Variants in GREM1 observed in about 807,000 individuals in gnomAD.
The protein encoded by GREM1 is gremlin 1, DAN family BMP antagonist.
In GREM1, 6 loss-of-function variants were observed where a neutral mutation model predicts 13.1. The ratio of observed to expected loss-of-function variants is 0.46; its 90% confidence interval spans 0.25 to 0.91. The LOEUF is 0.91. GREM1 is among the 40% of genes least tolerant of loss of function. The probability of loss-of-function intolerance (pLI) is 0.18; values close to 1 mark genes in which losing one functional copy is unlikely to be tolerated. For synonymous variants in GREM1, 98 were observed against 93.7 expected (o/e 1.05, Z -0.27); for missense variants, 185 against 233.9 (o/e 0.79, Z 1.36).
rs181661459 is a variant in GREM1 at position 32,736,678 on chromosome 15, C to T, written c.*5433C>T. 6.6e-6 allele frequency: 1 copy of T among 152,222 alleles called. No individual in the cohort carries two copies. The highest frequency in any genetic ancestry group is 1.9e-4 in the East Asian group (1 of 5,180). The allele number at this position is 152,222 out of a possible 1,614,324, so 9.4% of individuals were successfully genotyped here. A position where few individuals can be genotyped will look rare whatever the true frequency, so the allele number is the denominator to read the frequency against. Reference sequence around the variant, plus strand: ...CTAACCAAGCAGAGACTTCAGTGTCCACACACAACAAAAAATACAGACTTT... The same window carrying T: ...CTAACCAAGCAGAGACTTCAGTGTCTACACACAACAAAAAATACAGACTTT... On this transcript the variant is annotated 3_prime_UTR_variant, in exon 2 of 2. Transcript: ENST00000651154.
chr15:32,731,667 A>G lies in GREM1; in HGVS notation c.*422A>G, dbSNP rs2055621842. ...GGCAAGAGACCTGTTTTAGTGCTGCATTCGACATGGAAAAGTCCTTTTAAC... is the reference window on the plus strand; with the variant it reads ...GGCAAGAGACCTGTTTTAGTGCTGCGTTCGACATGGAAAAGTCCTTTTAAC... On this transcript the variant is annotated 3_prime_UTR_variant, in exon 2 of 2. Coordinates refer to ENST00000651154, the MANE Select transcript of GREM1 (RefSeq NM_013372.7). 1 of 272,198 alleles carries G rather than the reference A, an allele frequency of 3.7e-6. No homozygotes were observed. The highest frequency in any genetic ancestry group is 2.2e-5 in the African/African-American group (1 of 45,844). The allele number at this position is 272,198 out of a possible 1,614,324, so 16.9% of individuals were successfully genotyped here. A position where few individuals can be genotyped will look rare whatever the true frequency, so the allele number is the denominator to read the frequency against.
chr15:32,718,901 C>T, intron 1 of GREM1: 1 of 197,388 alleles, frequency 5.1e-6, no homozygotes, highest in South Asian at 8.9e-5. Context: ...CTACTCCAGC[C>T]TCTTCCCCGC....
Position 32,735,196 on chromosome 15 carries a change from T to C in GREM1, c.*3951T>C, listed in dbSNP as rs1322302052. The C allele has an allele frequency of 6.6e-6, 1 of 152,202 alleles. No homozygotes were observed. The highest frequency in any genetic ancestry group is 1.5e-5 in the Non-Finnish European group (1 of 68,036). 9.4% of individuals were successfully genotyped at this position (152,202 alleles called of 1,614,324 possible). On this transcript the variant is annotated 3_prime_UTR_variant, in exon 2 of 2. Transcript: ENST00000651154. The stretch of plus-strand genomic sequence containing the variant: ...TGCCCTTGGTGTGCAATTGTGAACT[T>C]GTCAATTTCTGAGGTCCCTTTCTAC...
chr15:32,743,273 C>T lies in GREM1; in HGVS notation c.*12028C>T, dbSNP rs1043261910. ...AGGATGACAAGTTATATATAATAAGCCTGTAGGCCAATATCTGCTGGCAGC... is the reference window on the plus strand; with the variant it reads ...AGGATGACAAGTTATATATAATAAGTCTGTAGGCCAATATCTGCTGGCAGC... On this transcript the variant is annotated 3_prime_UTR_variant, in exon 2 of 2. Coordinates refer to ENST00000651154, the MANE Select transcript of GREM1 (RefSeq NM_013372.7). The T allele has an allele frequency of 2.6e-5, 4 of 152,018 alleles. No individual in the cohort carries two copies. The highest frequency in any genetic ancestry group is 2.6e-4 in the Admixed American group (4 of 15,252). 9.4% of individuals were successfully genotyped at this position (152,018 alleles called of 1,614,324 possible).
Position 32,744,884 on chromosome 15 carries a change from C to T in GREM1, c.*13639C>T, listed in dbSNP as rs531607166. On this transcript the variant is annotated 3_prime_UTR_variant, in exon 2 of 2. Transcript: ENST00000651154. ...TTGCACTATTCATTCCCGTTTCCTC[C>T]CATTCACTCTCCACATCTCCAATCC... 1 of 152,188 alleles carries T rather than the reference C, an allele frequency of 6.6e-6. No homozygotes were observed. The highest frequency in any genetic ancestry group is 2.1e-4 in the South Asian group (1 of 4,810). 9.4% of individuals were successfully genotyped at this position (152,188 alleles called of 1,614,324 possible). A position where few individuals can be genotyped will look rare whatever the true frequency, so the allele number is the denominator to read the frequency against.
chr15:32,731,365 C>T lies in GREM1; in HGVS notation c.*120C>T. The stretch of plus-strand genomic sequence containing the variant: ...GGCCAGAAGAACCCCCAGCTGCCTC[C>T]TGGCAGGAGCCTGCTTGTGCGTAGT... On this transcript the variant is annotated 3_prime_UTR_variant, in exon 2 of 2. Coordinates refer to ENST00000651154, the MANE Select transcript of GREM1 (RefSeq NM_013372.7). 1 of 739,596 alleles carries T rather than the reference C, an allele frequency of 1.4e-6. No homozygotes were observed. 45.8% of individuals were successfully genotyped at this position (739,596 alleles called of 1,614,324 possible). A position where few individuals can be genotyped will look rare whatever the true frequency, so the allele number is the denominator to read the frequency against.
intron 1 of GREM1, 93 bp downstream of exon 1, chr15:32,718,254 C>G (rs947244714): frequency 9.9e-7 from 1 of 1,008,936 alleles, no homozygotes; most frequent in African/African-American, 1.6e-5. Flanking sequence ...CGCGCGGCAG[C>G]CCTCCGTGCG....
At chr15:32,726,802 A>C (rs1209916391) in intron 1 of GREM1, among the ~76,000 whole-genome samples, 9 of 151,854 alleles carry the variant, frequency 5.9e-5, no homozygotes, top group Non-Finnish European at 1.2e-4. Flanking sequence ...GACAATAGAC[A>C]CAATAAAAAG....
intron 1 of GREM1, among the ~76,000 whole-genome samples, chr15:32,720,769 A>G (rs903153953): frequency 4.6e-5 from 7 of 152,238 alleles, no homozygotes; most frequent in African/African-American, 1.7e-4. Context: ...TGCATTAGAA[A>G]ACATATCCAT....
At chr15:32,720,470 AG>A (rs1302506649) in intron 1 of GREM1, among the ~76,000 whole-genome samples, 1 of 152,180 alleles carries the variant, frequency 6.6e-6, no homozygotes, top group Non-Finnish European at 1.5e-5. Context: ...TCCACAACAG[AG>A]AGTAAAGGAC....
rs897819698 is a variant in GREM1 at position 32,739,859 on chromosome 15, C to G, written c.*8614C>G. On this transcript the variant is annotated 3_prime_UTR_variant, in exon 2 of 2. Transcript: ENST00000651154. ...GGTGAGAGGAGTTGGTTCACATATC[C>G]AAGACCTCCAACTTTTCTGAGGAGA... 3.9e-5 allele frequency: 6 copies of G among 152,262 alleles called. No homozygotes were observed. The highest frequency in any genetic ancestry group is 8.8e-5 in the Non-Finnish European group (6 of 68,100). 9.4% of individuals were successfully genotyped at this position (152,262 alleles called of 1,614,324 possible).
At position 32,742,103 on chromosome 15, in the gene GREM1, T is replaced by C. The variant is rs1248640899; in HGVS notation, c.*10858T>C. Reference sequence around the variant, plus strand: ...ATTTTGTTGAGGATTTTTGCATCTATATATTCATCAAGGATATTGGGCTGT... The same window carrying C: ...ATTTTGTTGAGGATTTTTGCATCTACATATTCATCAAGGATATTGGGCTGT... On this transcript the variant is annotated 3_prime_UTR_variant, in exon 2 of 2. Coordinates refer to ENST00000651154, the MANE Select transcript of GREM1 (RefSeq NM_013372.7). The C allele has an allele frequency of 6.6e-6, 1 of 152,160 alleles. No individual in the cohort carries two copies. Among genetic ancestry groups the C allele is most frequent in the Non-Finnish European group, 1.5e-5 (1 of 68,002 alleles). 9.4% of individuals were successfully genotyped at this position (152,160 alleles called of 1,614,324 possible).
chr15:32,718,381 GAA>G (rs1309218789), intron 1 of GREM1: 1 of 495,878 alleles, frequency 2.0e-6, no homozygotes, highest in Non-Finnish European at 4.0e-6. Flanking sequence ...GGAAACGTAG[GAA>G]AAAAAGTTGT....
intron 1 of GREM1, chr15:32,718,665 C>G: frequency 2.8e-6 from 1 of 360,986 alleles, no homozygotes; most frequent in Admixed American, 3.7e-5. Context: ...TTGGAGCATC[C>G]GGAGAATCCA....
Position 32,734,448 on chromosome 15 carries a change from T to C in GREM1, c.*3203T>C, listed in dbSNP as rs1275056528. 4.1e-6 allele frequency: 1 copy of C among 246,408 alleles called. No individual in the cohort carries two copies. Among genetic ancestry groups the C allele is most frequent in the Non-Finnish European group, 8.5e-6 (1 of 117,166 alleles). The allele number at this position is 246,408 out of a possible 1,614,324, so 15.3% of individuals were successfully genotyped here. A position where few individuals can be genotyped will look rare whatever the true frequency, so the allele number is the denominator to read the frequency against. ...TCAAGATATTTAATATCAACTGCAT[T>C]ATGTATTATGTCTGCTTAAATCATT... On this transcript the variant is annotated 3_prime_UTR_variant, in exon 2 of 2. Coordinates refer to ENST00000651154, the MANE Select transcript of GREM1 (RefSeq NM_013372.7).
chr15:32,744,948 TC>T lies in GREM1; in HGVS notation c.*13704del, dbSNP rs2055793561. Reference sequence around the variant, plus strand: ...TTTGTTACTTGTTAAAAACTTGATTTCGTAGATTGCTTTAAAATAAGAACAA... The same window carrying T: ...TTTGTTACTTGTTAAAAACTTGATTTGTAGATTGCTTTAAAATAAGAACAA... On this transcript the variant is annotated 3_prime_UTR_variant, in exon 2 of 2. Coordinates refer to ENST00000651154, the MANE Select transcript of GREM1 (RefSeq NM_013372.7). 6.6e-6 allele frequency: 1 copy of T among 152,194 alleles called. No homozygotes were observed. The highest frequency in any genetic ancestry group is 2.4e-5 in the African/African-American group (1 of 41,450). 9.4% of individuals were successfully genotyped at this position (152,194 alleles called of 1,614,324 possible). A position where few individuals can be genotyped will look rare whatever the true frequency, so the allele number is the denominator to read the frequency against.
In GREM1 at chr15:32,731,946, A is replaced by T; in HGVS notation, c.*701A>T. On this transcript the variant is annotated 3_prime_UTR_variant, in exon 2 of 2. Transcript: ENST00000651154. Reference sequence around the variant, plus strand: ...CAAATCAGGTCCAGCAAAAGTCAGTAGGGACATTGCAGAAGCTTGAAAGGC... The same window carrying T: ...CAAATCAGGTCCAGCAAAAGTCAGTTGGGACATTGCAGAAGCTTGAAAGGC... 4.3e-6 allele frequency: 1 copy of T among 232,452 alleles called. No individual in the cohort carries two copies. The highest frequency in any genetic ancestry group is 6.8e-5 in the East Asian group (1 of 14,812). The allele number at this position is 232,452 out of a possible 1,614,324, so 14.4% of individuals were successfully genotyped here. A position where few individuals can be genotyped will look rare whatever the true frequency, so the allele number is the denominator to read the frequency against.
Position 32,731,044 on chromosome 15 carries a change from T to C in GREM1, c.354T>C (p.Cys118=), listed in dbSNP as rs745622778. 6.2e-7 allele frequency: 1 copy of C among 1,614,146 alleles called. No homozygotes were observed. Residue 118 remains cysteine, a synonymous_variant, in exon 2 of 2, where the codon TGT becomes TGC. Transcript: ENST00000651154. The part of the protein sequence containing the change: ...CNSRTIINRF[C]YGQCNSFYIP... The stretch of plus-strand genomic sequence containing the variant: ...GTCGCACCATCATCAACCGCTTCTG[T>C]TACGGCCAGTGCAACTCTTTCTACA...
At position 32,733,611 on chromosome 15, in the gene GREM1, C is replaced by T; in HGVS notation, c.*2366C>T. 4.4e-6 allele frequency: 1 copy of T among 229,676 alleles called. No homozygotes were observed. 14.2% of individuals were successfully genotyped at this position (229,676 alleles called of 1,614,324 possible). A position where few individuals can be genotyped will look rare whatever the true frequency, so the allele number is the denominator to read the frequency against. ...AAGAGGGAAATATCTGTTCTTCTTA[C>T]TGTGCCTATATTAAGACTAGTACAA... On this transcript the variant is annotated 3_prime_UTR_variant, in exon 2 of 2. Coordinates refer to ENST00000651154, the MANE Select transcript of GREM1 (RefSeq NM_013372.7).
Sources: gnomAD v4.1 joint callset for allele counts (sites outside exome capture counted in the v4.1 genomes callset) on GRCh38, gnomAD v4.1.1 for gene constraint, MANE v1.5 for transcripts, NCBI Gene and HGNC (gene_info 2026-07-23, HGNC 2026-07-21) for gene names.